Variants in FARP2 observed in about 807,000 individuals in gnomAD.
FARP2 encodes the protein FERM, ARH/RhoGEF and pleckstrin domain protein 2.
In FARP2, 111 loss-of-function variants were observed where a neutral mutation model predicts 130.5. The observed-to-expected ratio is 0.85, with a 90% CI of 0.73 to 1.00. The LOEUF (loss-of-function observed/expected upper bound fraction) is 1.00, where lower values mean the gene tolerates loss of function less well. FARP2 is among the 50% of genes least tolerant of loss of function. The probability of loss-of-function intolerance (pLI) is 0.00; values close to 1 mark genes in which losing one functional copy is unlikely to be tolerated. For missense variants in FARP2, 1,385 were observed against 1,346.3 expected (o/e 1.03, Z -0.45); for synonymous variants, 504 against 516.9 (o/e 0.98, Z 0.34).
intron 8 of FARP2, among the ~76,000 whole-genome samples, chr2:241,424,685 T>A (rs971878331): frequency 1.3e-5 from 2 of 150,344 alleles, no homozygotes; most frequent in Non-Finnish European, 2.9e-5. Flanking sequence ...TTTGAAAAAA[T>A]TAATAAAATA....
At chr2:241,363,883 CAGCATGTGAAGAACCAGGAA>C (rs2061246068) in intron 1 of FARP2, among the ~76,000 whole-genome samples, 1 of 152,200 alleles carries the variant, frequency 6.6e-6, no homozygotes, top group African/African-American at 2.4e-5. Flanking sequence ...AAAATTTACT[CAGCATGTGAAGAACCAGGAA>C]AATAACTCGT....
chr2:241,457,418 A>T (rs28743050), intron 14 of FARP2, among the ~76,000 whole-genome samples: 22 of 70,926 alleles, frequency 3.1e-4, no homozygotes, highest in South Asian at 1.4e-3. Flanking sequence ...GCTCTTGGGC[A>T]GGAGGCCCAG....
At position 241,415,576 on chromosome 2, in the gene FARP2, G is replaced by T. The variant is rs574773671; in HGVS notation, c.623+2155G>T. On this transcript the variant is annotated intron_variant, in intron 7 of 26. Coordinates refer to ENST00000264042, the MANE Select transcript of FARP2 (RefSeq NM_014808.4). ...CACGTAGGCTGGGCTAACCTGTGCAGTGGGTGAAATCAGCTAGGCAGAGGG... is the reference window on the plus strand; with the variant it reads ...CACGTAGGCTGGGCTAACCTGTGCATTGGGTGAAATCAGCTAGGCAGAGGG... Among the ~76,000 whole-genome samples, 13 of 152,306 alleles carry T rather than the reference G, an allele frequency of 8.5e-5. No individual in the cohort carries two copies. In the East Asian group the frequency reaches 1.4e-3, roughly 16 times the overall value.
chr2:241,421,669 C>T (rs1336828923), intron 8 of FARP2, among the ~76,000 whole-genome samples: 1 of 152,210 alleles, frequency 6.6e-6, no homozygotes, highest in Non-Finnish European at 1.5e-5. Flanking sequence ...CTGGGTGAGC[C>T]ACCCCCTACA....
intron 8 of FARP2, among the ~76,000 whole-genome samples, chr2:241,423,732 G>A (rs186202832): frequency 6.6e-6 from 1 of 152,228 alleles, no homozygotes; most frequent in African/African-American, 2.4e-5. Flanking sequence ...CACGTGCAAA[G>A]ACACACATAG....
At chr2:241,441,273 CT>C in intron 12 of FARP2, 30 bp from the exon 13 acceptor site, 1 of 1,537,504 alleles carries the variant, frequency 6.5e-7, no homozygotes, top group Non-Finnish European at 8.7e-7. Flanking sequence ...ATTTTATATC[CT>C]TTTTTTCTTT....
chr2:241,378,931 G>C (rs574624898), intron 2 of FARP2, among the ~76,000 whole-genome samples: 1 of 152,288 alleles, frequency 6.6e-6, no homozygotes, highest in African/African-American at 2.4e-5. Flanking sequence ...CTGTGGTTTT[G>C]AACATAGAAA....
At chr2:241,450,366 C>CA (rs1424612823) in intron 13 of FARP2, among the ~76,000 whole-genome samples, 7 of 150,120 alleles carry the variant, frequency 4.7e-5, no homozygotes, top group South Asian at 4.2e-4. Flanking sequence ...CTGTCTCAAC[C>CA]AAAAAAACAA....
intron 8 of FARP2, among the ~76,000 whole-genome samples, chr2:241,420,214 T>C (rs977304731): frequency 6.6e-6 from 1 of 152,158 alleles, no homozygotes; most frequent in Non-Finnish European, 1.5e-5. Flanking sequence ...GAACAGAATA[T>C]TGGGCAACTG....
chr2:241,417,042 T>C (rs1181261255), intron 7 of FARP2, among the ~76,000 whole-genome samples: 5 of 152,186 alleles, frequency 3.3e-5, no homozygotes, highest in African/African-American at 7.2e-5. Flanking sequence ...GGCTCTCGCC[T>C]GTAATCCCAG....
rs956172755 is a variant in FARP2, at chr2:241,482,608, C to T, written c.2263-857C>T. ...CACCTTCTTCATTGTGTGGGGTGGACGTTTCTGTTTGGGCTGGTTTTTCAT... is the reference window on the plus strand; with the variant it reads ...CACCTTCTTCATTGTGTGGGGTGGATGTTTCTGTTTGGGCTGGTTTTTCAT... On this transcript the variant is annotated intron_variant, in intron 19 of 26. Coordinates refer to ENST00000264042, the MANE Select transcript of FARP2 (RefSeq NM_014808.4). The surrounding 1 kb of genome is among the most constrained non-coding windows in gnomAD (Gnocchi z 4.6). Among the ~76,000 whole-genome samples the T allele has an allele frequency of 5.3e-5, 8 of 152,100 alleles. No individual in the cohort carries two copies. The highest frequency in any genetic ancestry group is 8.8e-5 in the Non-Finnish European group (6 of 68,030).
chr2:241,367,977 A>G (rs1292557722), intron 1 of FARP2, among the ~76,000 whole-genome samples: 2 of 151,786 alleles, frequency 1.3e-5, no homozygotes, highest in African/African-American at 2.4e-5. Context: ...ACCCCCACAT[A>G]CACACAGCAT....
chr2:241,484,018 G>A, intron 20 of FARP2: 2 of 1,346,098 alleles, frequency 1.5e-6, no homozygotes, highest in Non-Finnish European at 9.6e-7. Flanking sequence ...TCTCAGCCAA[G>A]CTAGCTGGGA....
At chr2:241,436,639 A>G in intron 12 of FARP2, 101 bp downstream of exon 12, 3 of 967,082 alleles carry the variant, frequency 3.1e-6, no homozygotes. Context: ...AATTAATCAT[A>G]TTATTTAATG....
At chr2:241,448,883 A>G (rs546834250) in intron 13 of FARP2, among the ~76,000 whole-genome samples, 25 of 152,346 alleles carry the variant, frequency 1.6e-4, no homozygotes, top group Admixed American at 4.6e-4. Flanking sequence ...CCCTTGGGAA[A>G]GCTGTGCCAT....
rs1205627096 is a variant in FARP2 at position 241,475,906 on chromosome 2, C to T, written c.2181C>T (p.Leu727=). 6.8e-6 allele frequency: 11 copies of T among 1,614,046 alleles called. No individual in the cohort carries two copies. The highest frequency in any genetic ancestry group is 4.5e-5 in the East Asian group (2 of 44,884). Residue 727 remains leucine (L), a synonymous_variant, in exon 19 of 27, where the codon CTC becomes CTT. Coordinates refer to ENST00000264042, the MANE Select transcript of FARP2 (RefSeq NM_014808.4). This position sits in a 1 kb window ranked among gnomAD's most constrained non-coding sequence, Gnocchi z 4.4. ...TGACCACCACACTACAGCACATTCT[C>T]ATCCGGCTGGAGAACCTGCAGAAGC... ...TEVTTTLQHI[L]IRLENLQKLT...
At chr2:241,393,827 C>T (rs1271081744) in intron 2 of FARP2, among the ~76,000 whole-genome samples, 1 of 152,128 alleles carries the variant, frequency 6.6e-6, no homozygotes, top group African/African-American at 2.4e-5. Flanking sequence ...ATTGTTTATA[C>T]CTAAGCCTGG....
chr2:241,429,612 C>T (rs1407461773), intron 8 of FARP2, among the ~76,000 whole-genome samples: 1 of 152,012 alleles, frequency 6.6e-6, no homozygotes, highest in East Asian at 1.9e-4. Context: ...TTGTTTTTGA[C>T]TAGGTAGTGG....
intron 2 of FARP2, among the ~76,000 whole-genome samples, chr2:241,401,765 T>C (rs770300987): frequency 6.6e-5 from 10 of 152,058 alleles, no homozygotes; most frequent in Non-Finnish European, 1.2e-4. Context: ...CCATTATGGA[T>C]ATGTCATTAT....
Sources: gnomAD v4.1 joint callset for allele counts (sites outside exome capture counted in the v4.1 genomes callset) on GRCh38, gnomAD v4.1.1 for gene constraint, Gnocchi (gnomAD v3.1) non-coding constraint, MANE v1.5 for transcripts, NCBI Gene and HGNC (gene_info 2026-07-23, HGNC 2026-07-21) for gene names.